Variants in APLP2 observed in about 807,000 individuals in gnomAD.
APLP2 encodes CDEI box-binding protein.
Under a neutral mutation model 89.9 loss-of-function variants are expected in APLP2, and 53 were observed. The observed-to-expected ratio is 0.59, with a 90% CI of 0.47 to 0.74. APLP2 has a LOEUF of 0.74. Ranked by LOEUF, APLP2 falls within the 30% of genes least tolerant of loss-of-function variation. The pLI is 0.00. For missense variants in APLP2, 973 were observed against 975.9 expected, an observed-to-expected ratio of 1.00 and a Z score of 0.04; for synonymous variants, 372 against 348.6, an observed-to-expected ratio of 1.07 and a Z score of -0.75.
At chr11:130,107,660 G>C (rs7125409) in intron 1 of APLP2, among the ~76,000 whole-genome samples, 1 of 151,972 alleles carries the variant, frequency 6.6e-6, no homozygotes, top group Non-Finnish European at 1.5e-5. Context: ...TGTAGATTCA[G>C]TGCCATCCCC....
Position 130,118,638 on chromosome 11 carries a change from AT to A in APLP2, c.404-2065del, listed in dbSNP as rs1490439541. The stretch of plus-strand genomic sequence containing the variant: ...GTGGTTGGATGTCAGAATTGAAGTA[AT>A]TTCTACTTAGATTGAGTATCAGGGT... On this transcript the variant is annotated intron_variant, in intron 3 of 16. Transcript: ENST00000338167. 7.2e-5 allele frequency among the ~76,000 whole-genome samples: 11 copies of A among 152,320 alleles called. No individual in the cohort carries two copies. The South Asian group carries it at 1.5e-3, about 20-fold the overall frequency.
chr11:130,132,984 T>C (rs1243174754), intron 11 of APLP2, among the ~76,000 whole-genome samples: 3 of 151,952 alleles, frequency 2.0e-5, no homozygotes, highest in Non-Finnish European at 2.9e-5. Context: ...GAGTTCTTTT[T>C]TTTTTTTTTG....
At chr11:130,142,223 T>G in intron 16 of APLP2, 149 bp downstream of exon 16, 2 of 990,968 alleles carry the variant, frequency 2.0e-6, no homozygotes, top group East Asian at 2.9e-5. Flanking sequence ...TAGGTCGTGT[T>G]TTTGGAAATC....
rs1217407617 is a variant in APLP2, at chr11:130,090,521, C to T, written c.106-18908C>T. Among the ~76,000 whole-genome samples the T allele has an allele frequency of 2.6e-5, 4 of 151,928 alleles. No individual in the cohort carries two copies. In the East Asian group the frequency reaches 7.7e-4, roughly 29 times the overall value. ...TTAACAAAGCACATTTTGCACCGCC[C>T]TTAATCCATTTAACCCTGAGTGGAC... On this transcript the variant is annotated intron_variant, in intron 1 of 16. Transcript: ENST00000338167.
intron 3 of APLP2, among the ~76,000 whole-genome samples, chr11:130,111,524 C>T (rs1003984604): frequency 6.6e-6 from 1 of 152,226 alleles, no homozygotes; most frequent in Non-Finnish European, 1.5e-5. Flanking sequence ...AAAACCTTTC[C>T]TTCTGCTTCT....
intron 1 of APLP2, chr11:130,070,741 G>C (rs1033117308): frequency 1.4e-6 from 2 of 1,449,708 alleles, no homozygotes; most frequent in African/African-American, 1.5e-5. Context: ...GAGGAAACCC[G>C]CTCTGGGTGC....
chr11:130,144,639 A>G lies in APLP2; in HGVS notation c.*1191A>G, dbSNP rs1952762954. On this transcript the variant is annotated 3_prime_UTR_variant, in exon 17 of 17. Coordinates refer to ENST00000338167, the MANE Select transcript of APLP2 (RefSeq NM_001142276.2). Reference sequence around the variant, plus strand: ...TTCTGGTAACCTGTGGTGTATTTTTATTTTCCTGTGACTGTTTTTGTTTTG... The same window carrying G: ...TTCTGGTAACCTGTGGTGTATTTTTGTTTTCCTGTGACTGTTTTTGTTTTG... 6.6e-6 allele frequency: 1 copy of G among 151,802 alleles called. No individual in the cohort carries two copies. The highest frequency in any genetic ancestry group is 1.5e-5 in the Non-Finnish European group (1 of 67,858). 9.4% of individuals were successfully genotyped at this position (151,802 alleles called of 1,614,324 possible).
chr11:130,122,412 A>G lies in APLP2; in HGVS notation c.821A>G (p.Tyr274Cys). 4 of 1,614,176 alleles carry G rather than the reference A, an allele frequency of 2.5e-6. No homozygotes were observed. The highest frequency in any genetic ancestry group is 3.4e-6 in the Non-Finnish European group (4 of 1,180,018). ...GEEVVEDRDY[Y>C]YDTFKGDDYN... ...GAAGTGGTGGAGGACCGAGATTACT[A>G]CTATGACACCTTCAAAGGAGATGAC... Residue 274 changes from tyrosine to cysteine, a missense_variant, in exon 6 of 17, where the codon TAC becomes TGC. Tyr to Cys is a radical substitution (Grantham distance 194). Coordinates refer to ENST00000338167, the MANE Select transcript of APLP2 (RefSeq NM_001142276.2).
chr11:130,079,241 G>C (rs1356149187), intron 1 of APLP2, among the ~76,000 whole-genome samples: 1 of 152,004 alleles, frequency 6.6e-6, no homozygotes, highest in Admixed American at 6.6e-5. Context: ...TGGGATTACA[G>C]GCACCCACCA....
chr11:130,083,026 C>CTTTTCTTTTTTTTTTTT (rs1943479091), intron 1 of APLP2, among the ~76,000 whole-genome samples: 2 of 72,488 alleles, frequency 2.8e-5, no homozygotes, highest in East Asian at 9.4e-4. Flanking sequence ...CTTTTCTTTT[C>CTTTTCTTTTTTTTTTTT]TTTTTTTTTT....
chr11:130,091,573 C>T (rs1209899981), intron 1 of APLP2, among the ~76,000 whole-genome samples: 33 of 133,242 alleles, frequency 2.5e-4, no homozygotes, highest in African/African-American at 3.6e-4. Context: ...CCGGACGGGG[C>T]GGCTGGCCGG....
chr11:130,091,129 C>T (rs1255936399), intron 1 of APLP2, among the ~76,000 whole-genome samples: 3 of 141,830 alleles, frequency 2.1e-5, no homozygotes, highest in East Asian at 2.3e-4. Context: ...GGCGGCTGGC[C>T]GGGCAGAGGG....
chr11:130,103,235 T>C (rs1301359969), intron 1 of APLP2, among the ~76,000 whole-genome samples: 1 of 152,164 alleles, frequency 6.6e-6, no homozygotes, highest in Admixed American at 6.5e-5. Context: ...CTAGGTAGGG[T>C]TGGGGTATGT....
At chr11:130,121,863 C>T (rs1949864403) in intron 5 of APLP2, 53 bp downstream of exon 5, 1 of 1,577,768 alleles carries the variant, frequency 6.3e-7, no homozygotes, top group East Asian at 2.2e-5. Flanking sequence ...GTTAGCCCTT[C>T]TGTAAAGACG....
chr11:130,093,774 C>A (rs1439576906), intron 1 of APLP2, among the ~76,000 whole-genome samples: 1 of 151,918 alleles, frequency 6.6e-6, no homozygotes, highest in Non-Finnish European at 1.5e-5. Context: ...GACAGGGTCT[C>A]ACTTTGTTGC....
chr11:130,138,595 T>G (rs1267357648), intron 13 of APLP2, among the ~76,000 whole-genome samples: 3 of 143,332 alleles, frequency 2.1e-5, no homozygotes, highest in South Asian at 2.4e-4. Context: ...TTTTTTTTTT[T>G]TTTTTTTTTT....
chr11:130,114,486 A>G (rs1591814573), intron 3 of APLP2, among the ~76,000 whole-genome samples: 1 of 152,234 alleles, frequency 6.6e-6, no homozygotes, highest in Non-Finnish European at 1.5e-5. Context: ...CTAAGATGGT[A>G]TCTACATTCA....
intron 1 of APLP2, among the ~76,000 whole-genome samples, chr11:130,094,583 G>C (rs753283642): frequency 6.6e-6 from 1 of 152,226 alleles, no homozygotes; most frequent in African/African-American, 2.4e-5. Context: ...AAAGCTAGAA[G>C]ACCTCAAATT....
At chr11:130,102,128 A>G (rs1947018346) in intron 1 of APLP2, 1 of 312,228 alleles carries the variant, frequency 3.2e-6, no homozygotes, top group Non-Finnish European at 6.3e-6. Flanking sequence ...TCAGTTTAGT[A>G]AATCTTTGGT....
Sources: gnomAD v4.1 joint callset for allele counts (sites outside exome capture counted in the v4.1 genomes callset) on GRCh38, gnomAD v4.1.1 for gene constraint, MANE v1.5 for transcripts, NCBI Gene and HGNC (gene_info 2026-07-23, HGNC 2026-07-21) for gene names.